Variants in TRPM3 observed in about 807,000 individuals in gnomAD.
The protein encoded by TRPM3 is transient receptor potential cation channel subfamily M member 3.
TRPM3 carries 77 observed loss-of-function variants against 181.2 expected under a neutral mutation model. The ratio of observed to expected loss-of-function variants is 0.42; its 90% CI spans 0.35 to 0.51. The LOEUF (loss-of-function observed/expected upper bound fraction) is 0.51, where lower values mean the gene tolerates loss of function less well. Ranked by LOEUF, TRPM3 falls within the 20% of genes least tolerant of loss-of-function variation. The pLI is 0.01. For missense variants in TRPM3, 1,759 were observed against 2,196.7 expected (o/e 0.80, Z 3.98); for synonymous variants, 745 against 796.4 (o/e 0.94, Z 1.09).
intron 7 of TRPM3, among the ~76,000 whole-genome samples, chr9:70,780,584 G>A (rs2082251227): frequency 6.6e-6 from 1 of 151,802 alleles, no homozygotes; most frequent in African/African-American, 2.4e-5. Context: ...ATGTTATTTG[G>A]AAATGATTTT....
intron 12 of TRPM3, among the ~76,000 whole-genome samples, chr9:70,634,249 AC>A (rs1305323692): frequency 5.9e-5 from 9 of 152,120 alleles, no homozygotes; most frequent in African/African-American, 2.2e-4. Flanking sequence ...AGCTGAGCTT[AC>A]AGGCACACAC....
At chr9:71,321,442 T>TA (rs1431006997) in intron 1 of TRPM3, among the ~76,000 whole-genome samples, 1 of 152,146 alleles carries the variant, frequency 6.6e-6, no homozygotes, top group African/African-American at 2.4e-5. Context: ...ACCACTTAGT[T>TA]AAAATCAAAC....
At chr9:71,124,549 T>C (rs2073918370), upstream of TRPM3, among the ~76,000 whole-genome samples, 1 of 152,066 alleles carries the variant, frequency 6.6e-6, no homozygotes. Flanking sequence ...TTCTCTCCCG[T>C]GCTACAGAAA....
At chr9:70,668,934 C>A (rs2134038024) in intron 9 of TRPM3, among the ~76,000 whole-genome samples, 1 of 152,268 alleles carries the variant, frequency 6.6e-6, no homozygotes, top group East Asian at 1.9e-4. Context: ...AGTATGATTC[C>A]ATAGCCCTGC....
intron 7 of TRPM3, among the ~76,000 whole-genome samples, chr9:70,765,146 T>C (rs1174721402): frequency 6.6e-6 from 1 of 152,162 alleles, no homozygotes; most frequent in East Asian, 1.9e-4. Context: ...ACCTCACTGT[T>C]TGAGTTGAGC....
intron 1 of TRPM3, among the ~76,000 whole-genome samples, chr9:71,208,256 A>T (rs2079248562): frequency 6.6e-6 from 1 of 152,194 alleles, no homozygotes; most frequent in Non-Finnish European, 1.5e-5. Flanking sequence ...ATTACTAAAT[A>T]ATAGTGTAAA....
At chr9:70,880,798 A>G (rs2132687933) in intron 1 of TRPM3, among the ~76,000 whole-genome samples, 1 of 152,234 alleles carries the variant, frequency 6.6e-6, no homozygotes, top group Admixed American at 6.5e-5. Context: ...CAATACAAGT[A>G]ACTTAGAGGC....
intron 1 of TRPM3, among the ~76,000 whole-genome samples, chr9:71,236,979 G>A (rs1213448640): frequency 2.0e-5 from 3 of 146,442 alleles, no homozygotes; most frequent in Admixed American, 7.0e-5. Context: ...CCTGGGAGGC[G>A]GAGGCTGCAG....
chr9:71,089,225 A>G (rs941076983), intron 1 of TRPM3, among the ~76,000 whole-genome samples: 16 of 149,034 alleles, frequency 1.1e-4, no homozygotes, highest in Admixed American at 2.7e-4. Context: ...ATAACATTAT[A>G]TTTGCTTATA....
chr9:70,829,375 A>G (rs1375125696), intron 5 of TRPM3, among the ~76,000 whole-genome samples: 2 of 152,204 alleles, frequency 1.3e-5, no homozygotes, highest in African/African-American at 2.4e-5. Flanking sequence ...AAATGTACTC[A>G]ATAAATAGTG....
At chr9:70,543,251 A>C (rs1167089783) in intron 25 of TRPM3, among the ~76,000 whole-genome samples, 1 of 152,030 alleles carries the variant, frequency 6.6e-6, no homozygotes, top group Admixed American at 6.5e-5. Context: ...TATGGAGTAC[A>C]TGAGATGTTT....
chr9:71,377,837 C>A (rs1176312807), intron 1 of TRPM3, among the ~76,000 whole-genome samples: 2 of 151,894 alleles, frequency 1.3e-5, no homozygotes, highest in Non-Finnish European at 2.9e-5. Context: ...CTCATATGTA[C>A]TATTTTGTGT....
At chr9:70,683,803 T>A (rs2066091009) in intron 8 of TRPM3, among the ~76,000 whole-genome samples, 1 of 152,204 alleles carries the variant, frequency 6.6e-6, no homozygotes, top group Admixed American at 6.5e-5. Context: ...GAGAGGGAAC[T>A]ATTCTATCCT....
intron 1 of TRPM3, among the ~76,000 whole-genome samples, chr9:71,021,378 T>C (rs1426888256): frequency 6.6e-6 from 1 of 152,214 alleles, no homozygotes; most frequent in African/African-American, 2.4e-5. Context: ...ATTGACAATT[T>C]ATAACTCAAT....
chr9:70,831,195 C>A (rs1250513811), intron 5 of TRPM3, among the ~76,000 whole-genome samples: 1 of 152,138 alleles, frequency 6.6e-6, no homozygotes, highest in South Asian at 2.1e-4. Context: ...TTCTTCATAG[C>A]AAACGTACCA....
chr9:70,821,165 C>T (rs983224861), intron 6 of TRPM3, among the ~76,000 whole-genome samples: 1 of 152,114 alleles, frequency 6.6e-6, no homozygotes, highest in African/African-American at 2.4e-5. Context: ...TGCCATGATG[C>T]TGCTACTGAG....
chr9:71,312,598 A>G (rs187642570), intron 1 of TRPM3, among the ~76,000 whole-genome samples: 41 of 152,308 alleles, frequency 2.7e-4, no homozygotes, highest in African/African-American at 9.4e-4. Context: ...AACACCCTGC[A>G]CATGGATGTT....
Position 70,616,047 on chromosome 9 carries a change from GA to G in TRPM3, c.2386del (p.Ser796GlnfsTer72). 1 of 1,607,710 alleles carries G rather than the reference GA, an allele frequency of 6.2e-7. No homozygotes were observed. The highest frequency in any genetic ancestry group is 1.7e-5 in the Admixed American group (1 of 59,136). ...KVILGILLPP[S>X]ILSLEFKNKD... ...GTTCTTGAACTCCAAGCTGAGAATT[GA>G]AGGAGGAAGTAGAATTCCCAGAATT... On this transcript the variant is annotated frameshift_variant, in exon 18 of 26. Transcript: ENST00000677713. LOFTEE classifies it high-confidence loss of function.
chr9:70,654,500 A>C (rs1419416346), intron 9 of TRPM3, among the ~76,000 whole-genome samples: 1 of 152,064 alleles, frequency 6.6e-6, no homozygotes, highest in Non-Finnish European at 1.5e-5. Context: ...TGAGACATAT[A>C]AGAGGGTGGA....
Sources: allele counts gnomAD v4.1 joint callset (sites outside exome capture counted in the v4.1 genomes callset), GRCh38; gene constraint gnomAD v4.1.1; transcripts MANE v1.5; gene names NCBI Gene and HGNC (gene_info 2026-07-23, HGNC 2026-07-21).